The following MEIG1 variants were observed in gnomAD, a reference collection of about 807,000 sequenced individuals.
MEIG1 encodes the protein meiosis expressed gene 1 protein homolog.
A neutral mutation model predicts 11.3 loss-of-function variants in MEIG1; 12 were observed. The ratio of observed to expected loss-of-function variants is 1.07; its 90% CI spans 0.68 to 1.73. The LOEUF (loss-of-function observed/expected upper bound fraction) is 1.73. Ranked by LOEUF, MEIG1 falls within the 40% of genes most tolerant of loss-of-function variation. The pLI is 0.00. For missense variants in MEIG1, 119 were observed against 104.9 expected (o/e 1.13, Z -0.59); for synonymous variants, 41 against 33.2 (o/e 1.24, Z -0.81).
chr10:14,984,315 T>C (rs1260661400), intron 1 of MEIG1, among the ~76,000 whole-genome samples: 3 of 152,068 alleles, frequency 2.0e-5, no homozygotes, highest in Admixed American at 6.5e-5. Flanking sequence ...CCACCCTTGG[T>C]TGACATCCTG....
intron 2 of MEIG1, among the ~76,000 whole-genome samples, chr10:14,969,194 C>G (rs888619830): frequency 1.3e-5 from 2 of 152,236 alleles, no homozygotes; most frequent in African/African-American, 4.8e-5. Flanking sequence ...CGCCTCTAAG[C>G]CCAGTGCTTT....
chr10:14,955,491 G>T (rs1477746003), upstream of MEIG1, among the ~76,000 whole-genome samples: 2 of 152,124 alleles, frequency 1.3e-5, no homozygotes, highest in African/African-American at 4.8e-5. Flanking sequence ...ATCACCTGAG[G>T]TCAGGAGTTC....
rs1843253252 is a variant in MEIG1, at chr10:14,980,605, T to C, written n.67-6191T>C. 2.0e-5 allele frequency among the ~76,000 whole-genome samples: 3 copies of C among 152,162 alleles called. No individual in the cohort carries two copies. The South Asian group carries it at 6.2e-4, about 32-fold the overall frequency. On this transcript the variant is annotated intron_variant and non_coding_transcript_variant, in intron 1 of 2. Coordinates refer to the MEIG1 transcript ENST00000467536. ...GGTGTTGGCGTAGGGCAATCCGTTC[T>C]CTTGGCGCACCCGACTGACCTGGGG...
chr10:14,981,180 G>T (rs1420226568), intron 1 of MEIG1, among the ~76,000 whole-genome samples: 1 of 149,468 alleles, frequency 6.7e-6, no homozygotes, highest in Non-Finnish European at 1.5e-5. Flanking sequence ...ACTCTGGAGG[G>T]TTGTCTTCCG....
chr10:14,960,955 G>A (rs916791397), intron 1 of MEIG1, among the ~76,000 whole-genome samples: 3 of 152,124 alleles, frequency 2.0e-5, no homozygotes, highest in African/African-American at 7.2e-5. Context: ...CTTTAACCTG[G>A]GAGGCGGAGG....
chr10:14,968,935 A>G (rs1160728320), intron 2 of MEIG1, among the ~76,000 whole-genome samples: 8 of 151,990 alleles, frequency 5.3e-5, no homozygotes. Context: ...AAAACTTGCC[A>G]GGCATGGTGG....
At chr10:14,973,014 C>T (rs1004918986), downstream of MEIG1, among the ~76,000 whole-genome samples, 20 of 152,074 alleles carry the variant, frequency 1.3e-4, no homozygotes, top group African/African-American at 3.1e-4. Context: ...TACAGGTGTG[C>T]ACTACCATAC....
chr10:14,979,069 C>A (rs1843239168), intron 1 of MEIG1, among the ~76,000 whole-genome samples: 1 of 151,966 alleles, frequency 6.6e-6, no homozygotes, highest in Non-Finnish European at 1.5e-5. Context: ...AATACGTGTA[C>A]ACCCTCTGAT....
chr10:14,980,318 G>A (rs979768504), intron 1 of MEIG1, among the ~76,000 whole-genome samples: 4 of 151,926 alleles, frequency 2.6e-5, no homozygotes, highest in African/African-American at 7.3e-5. Context: ...GTTATTCTTC[G>A]CATTCTAGAA....
intron 1 of MEIG1, among the ~76,000 whole-genome samples, chr10:14,964,182 G>C (rs935529642): frequency 6.6e-6 from 1 of 151,738 alleles, no homozygotes; most frequent in African/African-American, 2.4e-5. Context: ...AATAGGAAGA[G>C]CATTAGAACA....
At chr10:14,967,971 T>C (rs1843106821) in intron 2 of MEIG1, among the ~76,000 whole-genome samples, 1 of 152,194 alleles carries the variant, frequency 6.6e-6, no homozygotes, top group African/African-American at 2.4e-5. Flanking sequence ...CAAACTTGCA[T>C]TGGTCAAGGG....
chr10:14,978,109 A>G (rs1439420360), intron 1 of MEIG1, among the ~76,000 whole-genome samples: 1 of 151,800 alleles, frequency 6.6e-6, no homozygotes, highest in Non-Finnish European at 1.5e-5. Flanking sequence ...GTTACTCCTA[A>G]TATCACATGT....
At position 14,987,260 on chromosome 10, in the gene MEIG1, G is replaced by A. The variant is rs919811002; in HGVS notation, n.285+246G>A. The A allele has an allele frequency of 1.3e-5, 11 of 857,038 alleles. No individual in the cohort carries two copies. The African/African-American group carries it at 1.7e-4, about 13-fold the overall frequency. 53.1% of individuals were successfully genotyped at this position (857,038 alleles called of 1,614,324 possible). On this transcript the variant is annotated intron_variant and non_coding_transcript_variant, in intron 2 of 2. Transcript: ENST00000467536. ...CAGGTTGGAGAGGAAGAAGTACATGGGGGTATGGAGGGGGGAGTCAGAGCT... is the reference window on the plus strand; with the variant it reads ...CAGGTTGGAGAGGAAGAAGTACATGAGGGTATGGAGGGGGGAGTCAGAGCT...
intron 2 of MEIG1, among the ~76,000 whole-genome samples, chr10:14,971,298 A>C (rs1843147457): frequency 6.6e-6 from 1 of 151,504 alleles, no homozygotes; most frequent in South Asian, 2.1e-4. Flanking sequence ...TGGGAAGCCA[A>C]GGTAGGAGGA....
In MEIG1 at chr10:14,959,541, T is replaced by C. The variant is rs888124130; in HGVS notation, c.-46T>C. 6.6e-6 allele frequency: 1 copy of C among 152,324 alleles called. No homozygotes were observed. The highest frequency in any genetic ancestry group is 2.1e-4 in the South Asian group (1 of 4,836). 9.4% of individuals were successfully genotyped at this position (152,324 alleles called of 1,614,324 possible). The stretch of plus-strand genomic sequence containing the variant: ...GCTCGGCGGAACGAGGATAACCCAG[T>C]AGAGCCGGACCCAGGGGTGGGTGGA... On this transcript the variant is annotated 5_prime_UTR_variant, in exon 1 of 3. Transcript: ENST00000407572.
chr10:14,963,911 A>G (rs1448828215), intron 1 of MEIG1, among the ~76,000 whole-genome samples: 4 of 152,178 alleles, frequency 2.6e-5, no homozygotes, highest in Admixed American at 6.5e-5. Context: ...ATCCTGGCTA[A>G]CACAGTGAAA....
In MEIG1 at chr10:14,986,942, A is replaced by G. The variant is rs939950293; in HGVS notation, n.213A>G. The G allele has an allele frequency of 3.5e-5, 23 of 662,474 alleles. No individual in the cohort carries two copies. In the African/African-American group the frequency reaches 4.1e-4, roughly 12 times the overall value. 41.0% of individuals were successfully genotyped at this position (662,474 alleles called of 1,614,324 possible). On this transcript the variant is annotated non_coding_transcript_exon_variant, in exon 2 of 3. Transcript: ENST00000467536. ...ACATTCTTGATGATGGTGAATTGTC[A>G]CACAATCCAACCGTGCAGCTGGGAA...
chr10:14,956,357 T>C (rs1842951869), upstream of MEIG1, among the ~76,000 whole-genome samples: 1 of 151,816 alleles, frequency 6.6e-6, no homozygotes, highest in Non-Finnish European at 1.5e-5. Context: ...CGCAGGTGGA[T>C]CACCCGAGGT....
downstream of MEIG1, among the ~76,000 whole-genome samples, chr10:14,974,842 CTT>C (rs1012532599): frequency 2.6e-5 from 4 of 151,870 alleles, no homozygotes; most frequent in Admixed American, 1.3e-4. Flanking sequence ...AATCTGAACA[CTT>C]TATGAGCAAT....
Sources: gnomAD v4.1 joint callset for allele counts (sites outside exome capture counted in the v4.1 genomes callset) on GRCh38, gnomAD v4.1.1 for gene constraint, MANE v1.5 for transcripts, NCBI Gene and HGNC (gene_info 2026-07-23, HGNC 2026-07-21) for gene names.